The following ADAM10 variants were observed in gnomAD, a reference collection of about 807,000 sequenced individuals.
ADAM10 encodes the protein disintegrin and metalloproteinase domain-containing protein 10.
Under a neutral mutation model 90.1 loss-of-function variants are expected in ADAM10, and 17 were observed. That is an observed-to-expected ratio of 0.19 (90% confidence interval 0.13 to 0.28). The LOEUF is 0.28. ADAM10 is among the 10% of genes least tolerant of loss of function. The pLI, the probability that ADAM10 is intolerant of heterozygous loss-of-function variation, is 1.00. For missense variants in ADAM10, 610 were observed against 914.3 expected (o/e 0.67, Z 4.29); for synonymous variants, 310 against 298.6 (o/e 1.04, Z -0.40).
At chr15:58,658,238 T>G (rs1896880656) in intron 5 of ADAM10, among the ~76,000 whole-genome samples, 1 of 152,168 alleles carries the variant, frequency 6.6e-6, no homozygotes, top group Admixed American at 6.5e-5. Context: ...CATATGGATA[T>G]CCAATTGTTC....
intron 2 of ADAM10, among the ~76,000 whole-genome samples, chr15:58,705,255 T>C (rs1301516927): frequency 6.6e-6 from 1 of 152,244 alleles, no homozygotes; most frequent in Non-Finnish European, 1.5e-5. Context: ...TAAGATGTCC[T>C]GTATAAAGAA....
rs1257865971 is a variant in ADAM10, at chr15:58,749,665, C to G, written c.-131G>C. ...CCGGGACCTCCCCTGGCAGGAGAAA[C>G]GGCGAAGCACCTCCCTCTCGCTCCA... On this transcript the variant is annotated 5_prime_UTR_variant, in exon 1 of 16. Coordinates refer to ENST00000260408, the MANE Select transcript of ADAM10 (RefSeq NM_001110.4). 1 of 1,476,066 alleles carries G rather than the reference C, an allele frequency of 6.8e-7. No individual in the cohort carries two copies. Among genetic ancestry groups the G allele is most frequent in the African/African-American group, 1.4e-5 (1 of 70,180 alleles). 91.4% of individuals were successfully genotyped at this position (1,476,066 alleles called of 1,614,324 possible). A position where few individuals can be genotyped will look rare whatever the true frequency, so the allele number is the denominator to read the frequency against.
At chr15:58,625,919 T>A (rs1293786967) in intron 10 of ADAM10, among the ~76,000 whole-genome samples, 1 of 152,204 alleles carries the variant, frequency 6.6e-6, no homozygotes, top group Admixed American at 6.5e-5. Context: ...TTGTATGCTG[T>A]CTGATTTTAT....
chr15:58,689,338 T>C (rs1381399902), intron 2 of ADAM10, among the ~76,000 whole-genome samples: 1 of 151,886 alleles, frequency 6.6e-6, no homozygotes, highest in Non-Finnish European at 1.5e-5. Context: ...TACAAAAAAT[T>C]AGCCGGGCAT....
chr15:58,680,969 C>A (rs1897418124), intron 3 of ADAM10, among the ~76,000 whole-genome samples: 1 of 152,060 alleles, frequency 6.6e-6, no homozygotes, highest in African/African-American at 2.4e-5. Context: ...AGGTGTGCCA[C>A]CACAACTAAA....
intron 8 of ADAM10, among the ~76,000 whole-genome samples, chr15:58,636,368 T>C (rs1896251665): frequency 6.6e-6 from 1 of 152,200 alleles, no homozygotes; most frequent in South Asian, 2.1e-4. Context: ...AAAATACTAT[T>C]TGTAACTCTG....
chr15:58,661,605 T>C (rs544204126), intron 5 of ADAM10, among the ~76,000 whole-genome samples: 161 of 152,276 alleles, frequency 1.1e-3, no homozygotes, highest in Middle Eastern at 3.4e-3. Flanking sequence ...TCCAATAATT[T>C]AATTGTAACA....
intron 7 of ADAM10, 67 bp from the exon 8 acceptor site, chr15:58,641,027 C>T: frequency 7.1e-7 from 1 of 1,415,392 alleles, no homozygotes; most frequent in Non-Finnish European, 1.0e-6. Flanking sequence ...AATGTCTGCT[C>T]ACCTTCTTCT....
At chr15:58,605,736 T>C (rs1397728485) in intron 14 of ADAM10, among the ~76,000 whole-genome samples, 2 of 152,066 alleles carry the variant, frequency 1.3e-5, no homozygotes. Flanking sequence ...CAACCATTTT[T>C]CAAAAACTCA....
At chr15:58,719,488 T>C (rs1898772837) in intron 1 of ADAM10, among the ~76,000 whole-genome samples, 1 of 87,444 alleles carries the variant, frequency 1.1e-5, no homozygotes, top group African/African-American at 3.3e-5. Flanking sequence ...TCCTCTTTTA[T>C]AAAACAAGTT....
chr15:58,613,285 C>A (rs1895504935), intron 11 of ADAM10, among the ~76,000 whole-genome samples: 1 of 152,136 alleles, frequency 6.6e-6, no homozygotes. Context: ...CACACTAAGA[C>A]CTAGCTACAG....
At position 58,606,701 on chromosome 15, in the gene ADAM10, A is replaced by C. The variant is rs531521242; in HGVS notation, c.2025+3596T>G. ...AGTCACATATCACAGAGACTGAAAAAAATGGCAGACAAACTATTAGCACGC... is the reference window on the plus strand; with the variant it reads ...AGTCACATATCACAGAGACTGAAAACAATGGCAGACAAACTATTAGCACGC... On this transcript the variant is annotated intron_variant, in intron 14 of 15. Coordinates refer to ENST00000260408, the MANE Select transcript of ADAM10 (RefSeq NM_001110.4). 2.7e-4 allele frequency among the ~76,000 whole-genome samples: 41 copies of C among 152,346 alleles called. 2 individuals carry two copies. The South Asian group carries it at 8.3e-3, about 31-fold the overall frequency.
intron 1 of ADAM10, among the ~76,000 whole-genome samples, chr15:58,721,921 G>A (rs542500455): frequency 2.2e-4 from 33 of 151,906 alleles, no homozygotes; most frequent in African/African-American, 6.5e-4. Context: ...CCAGCTACTC[G>A]GGAGGCTGAG....
In ADAM10 at chr15:58,725,111, G is replaced by A. The variant is rs534948065; in HGVS notation, c.56-7384C>T. Among the ~76,000 whole-genome samples the A allele has an allele frequency of 2.8e-3, 419 of 152,052 alleles. 3 individuals carry two copies. Among genetic ancestry groups the A allele is most frequent in the African/African-American group, 9.8e-3 (407 of 41,462 alleles). On this transcript the variant is annotated intron_variant, in intron 1 of 15. Transcript: ENST00000260408. The stretch of plus-strand genomic sequence containing the variant: ...GGCTGAGGTAGGAGGATTGCTTGAA[G>A]CCCAGGAAGTCAAAGCTGCAGTAAG...
chr15:58,658,218 A>AT (rs1214033636), intron 5 of ADAM10, among the ~76,000 whole-genome samples: 6 of 151,170 alleles, frequency 4.0e-5, no homozygotes, highest in Admixed American at 2.0e-4. Flanking sequence ...GTGAATCTCA[A>AT]TTTTTTTTTC....
intron 2 of ADAM10, among the ~76,000 whole-genome samples, chr15:58,685,330 G>A (rs1409061359): frequency 6.0e-5 from 9 of 150,822 alleles, no homozygotes; most frequent in Non-Finnish European, 1.2e-4. Context: ...GCGTGGTGAC[G>A]GGTGCCTGTA....
chr15:58,681,027 T>C (rs1413101743), intron 3 of ADAM10, among the ~76,000 whole-genome samples: 1 of 152,034 alleles, frequency 6.6e-6, no homozygotes, highest in Non-Finnish European at 1.5e-5. Context: ...CCCAGGCTGG[T>C]CTCAAACTCC....
At chr15:58,636,495 A>G (rs1197542164) in intron 8 of ADAM10, among the ~76,000 whole-genome samples, 1 of 152,220 alleles carries the variant, frequency 6.6e-6, no homozygotes, top group Non-Finnish European at 1.5e-5. Flanking sequence ...CAATTGCTAT[A>G]TATTTTAAAT....
Position 58,670,211 on chromosome 15 carries a change from AT to A in ADAM10, c.485-5015del, listed in dbSNP as rs548711612. On this transcript the variant is annotated intron_variant, in intron 4 of 15. Transcript: ENST00000260408. Reference sequence around the variant, plus strand: ...TAAATCCTGTATTAAAAAAAAAAAAATAGGAGACATTTTTGTGAAGTAATTG... The same window carrying A: ...TAAATCCTGTATTAAAAAAAAAAAAAAGGAGACATTTTTGTGAAGTAATTG... 2.7e-3 allele frequency among the ~76,000 whole-genome samples: 403 copies of A among 151,968 alleles called. 3 individuals carry two copies. Among genetic ancestry groups the A allele is most frequent in the African/African-American group, 9.1e-3 (378 of 41,414 alleles).
Sources: allele counts gnomAD v4.1 joint callset (sites outside exome capture counted in the v4.1 genomes callset), GRCh38; gene constraint gnomAD v4.1.1; transcripts MANE v1.5; gene names NCBI Gene and HGNC (gene_info 2026-07-23, HGNC 2026-07-21).